NFKB1: variants seen among roughly 807,000 people sequenced by gnomAD.
NFKB1 encodes nuclear factor NF-kappa-B p105 subunit.
Under a neutral mutation model 105.1 loss-of-function variants are expected in NFKB1, and 9 were observed. The observed-to-expected ratio is 0.09, with a 90% CI of 0.05 to 0.15. The LOEUF is 0.15. Ranked by LOEUF, NFKB1 falls within the 10% of genes least tolerant of loss-of-function variation. The probability of loss-of-function intolerance (pLI) is 1.00; values close to 1 mark genes in which losing one functional copy is unlikely to be tolerated. For missense variants in NFKB1, 830 were observed against 1,203.7 expected (o/e 0.69, Z 4.59); for synonymous variants, 440 against 442.2 (o/e 1.00, Z 0.06).
intron 5 of NFKB1, among the ~76,000 whole-genome samples, chr4:102,561,004 A>G (rs909457679): frequency 3.3e-5 from 5 of 152,166 alleles, no homozygotes; most frequent in African/African-American, 1.2e-4. Context: ...TAGGAGGGGG[A>G]AAAGCTGGGA....
At chr4:102,516,234 G>C (rs1321218196) in intron 1 of NFKB1, among the ~76,000 whole-genome samples, 1 of 151,672 alleles carries the variant, frequency 6.6e-6, no homozygotes, top group Non-Finnish European at 1.5e-5. Flanking sequence ...CCTAACCATG[G>C]TTTTATTTGT....
At chr4:102,614,385 C>T (rs1265532480) in intron 23 of NFKB1, among the ~76,000 whole-genome samples, 5 of 152,292 alleles carry the variant, frequency 3.3e-5, no homozygotes, top group East Asian at 3.9e-4. Flanking sequence ...CCCCACTCTC[C>T]GACTAGGTCA....
intron 20 of NFKB1, among the ~76,000 whole-genome samples, chr4:102,611,365 C>G (rs1180552969): frequency 1.0e-5 from 1 of 98,562 alleles, no homozygotes; most frequent in Non-Finnish European, 2.2e-5. Flanking sequence ...ATGGTTCTCC[C>G]TTTATGTTAG....
intron 16 of NFKB1, among the ~76,000 whole-genome samples, chr4:102,603,265 G>C (rs533787492): frequency 6.6e-6 from 1 of 152,142 alleles, no homozygotes; most frequent in South Asian, 2.1e-4. Flanking sequence ...TAGAGATGGG[G>C]TTTCACCATG....
At chr4:102,582,344 C>A (rs2149189369) in intron 9 of NFKB1, among the ~76,000 whole-genome samples, 1 of 152,256 alleles carries the variant, frequency 6.6e-6, no homozygotes, top group Admixed American at 6.5e-5. Flanking sequence ...CTTTGGACCC[C>A]AGTTTCTCTT....
At chr4:102,613,698 C>A in intron 23 of NFKB1, 117 bp downstream of exon 23, 1 of 1,181,650 alleles carries the variant, frequency 8.5e-7, no homozygotes, top group Non-Finnish European at 1.2e-6. Flanking sequence ...ATACACTTCC[C>A]TGTGTGTCTC....
chr4:102,578,789 G>T (rs1185274918), intron 7 of NFKB1, 92 bp from the exon 8 acceptor site: 6 of 1,356,518 alleles, frequency 4.4e-6, no homozygotes, highest in South Asian at 1.5e-5. Flanking sequence ...GGTTTTTATT[G>T]TAAGTTTACA....
At chr4:102,604,794 A>C (rs999660069) in intron 16 of NFKB1, among the ~76,000 whole-genome samples, 2 of 152,026 alleles carry the variant, frequency 1.3e-5, no homozygotes, top group Non-Finnish European at 2.9e-5. Flanking sequence ...ACCCAGATAC[A>C]TCTGCAAGAG....
intron 1 of NFKB1, among the ~76,000 whole-genome samples, chr4:102,523,159 C>G (rs1740676543): frequency 6.6e-6 from 1 of 152,156 alleles, no homozygotes; most frequent in African/African-American, 2.4e-5. Flanking sequence ...TATCCAAGAT[C>G]ACACAGCCAG....
intron 5 of NFKB1, among the ~76,000 whole-genome samples, chr4:102,548,451 G>A (rs1479409492): frequency 6.6e-6 from 1 of 152,114 alleles, no homozygotes; most frequent in African/African-American, 2.4e-5. Flanking sequence ...GTGTAGTACT[G>A]GAAACTGCGT....
chr4:102,584,576 A>T, intron 10 of NFKB1, 106 bp from the exon 11 acceptor site: 1 of 1,151,464 alleles, frequency 8.7e-7, no homozygotes. Context: ...GTGTCTAAAC[A>T]TTGGGTATAA....
At chr4:102,559,087 G>A (rs934074956) in intron 5 of NFKB1, among the ~76,000 whole-genome samples, 9 of 151,980 alleles carry the variant, frequency 5.9e-5, no homozygotes, top group South Asian at 2.1e-4. Context: ...AATAGAAAGT[G>A]CCAAAGCTAA....
intron 7 of NFKB1, chr4:102,577,819 T>G: frequency 1.0e-6 from 1 of 985,478 alleles, no homozygotes; most frequent in Middle Eastern, 5.2e-4. Context: ...CACACTACAT[T>G]CCATTTTCAT....
Position 102,616,635 on chromosome 4 carries a change from A to T in NFKB1, c.*41A>T. On this transcript the variant is annotated 3_prime_UTR_variant, in exon 24 of 24. Coordinates refer to ENST00000226574, the MANE Select transcript of NFKB1 (RefSeq NM_003998.4). ...CCACACCGTGTAAACCAAAGCCCTA[A>T]AATTCCACTGCGTTGTCCACAAGAC... 1 of 1,599,804 alleles carries T rather than the reference A, an allele frequency of 6.3e-7. No individual in the cohort carries two copies. The highest frequency in any genetic ancestry group is 8.5e-7 in the Non-Finnish European group (1 of 1,171,206).
At chr4:102,602,209 A>G (rs1727216770) in intron 16 of NFKB1, among the ~76,000 whole-genome samples, 1 of 152,028 alleles carries the variant, frequency 6.6e-6, no homozygotes, top group South Asian at 2.1e-4. Flanking sequence ...TAAAATATCT[A>G]TTTTCTTATT....
chr4:102,548,248 A>G (rs1446513350), intron 5 of NFKB1, among the ~76,000 whole-genome samples: 1 of 152,112 alleles, frequency 6.6e-6, no homozygotes, highest in Non-Finnish European at 1.5e-5. Context: ...GCAAGCAGGT[A>G]TGAGTTCCAG....
chr4:102,609,485 A>G (rs28557116), intron 19 of NFKB1, among the ~76,000 whole-genome samples: 3 of 151,754 alleles, frequency 2.0e-5, no homozygotes. Flanking sequence ...GGTGGCATGC[A>G]TCTGTAATCC....
intron 4 of NFKB1, among the ~76,000 whole-genome samples, chr4:102,535,742 A>T (rs1192756312): frequency 6.6e-6 from 1 of 152,200 alleles, no homozygotes; most frequent in African/African-American, 2.4e-5. Flanking sequence ...AGATACTCGT[A>T]TGTAACCATG....
At chr4:102,603,614 C>A (rs1727412581) in intron 16 of NFKB1, among the ~76,000 whole-genome samples, 1 of 152,242 alleles carries the variant, frequency 6.6e-6, no homozygotes, top group African/African-American at 2.4e-5. Context: ...CAAACACACA[C>A]CCAATGGCAA....
Sources: gnomAD v4.1 joint callset for allele counts (sites outside exome capture counted in the v4.1 genomes callset) on GRCh38, gnomAD v4.1.1 for gene constraint, MANE v1.5 for transcripts, NCBI Gene and HGNC (gene_info 2026-07-23, HGNC 2026-07-21) for gene names.